MTCL1: variants seen among roughly 807,000 people sequenced by gnomAD.
MTCL1 encodes microtubule cross-linking factor 1.
In MTCL1, 79 loss-of-function variants were observed where a neutral mutation model predicts 141.4. The ratio of observed to expected loss-of-function variants is 0.56; its 90% CI spans 0.47 to 0.67. The LOEUF is 0.67. MTCL1 is among the 30% of genes least tolerant of loss of function. The pLI is 0.00. For missense variants in MTCL1, 2,177 were observed against 2,113.9 expected (o/e 1.03, Z -0.59); for synonymous variants, 914 against 875.8 (o/e 1.04, Z -0.77).
At chr18:8,809,159 C>A (rs959046158) in intron 11 of MTCL1, among the ~76,000 whole-genome samples, 1 of 152,110 alleles carries the variant, frequency 6.6e-6, no homozygotes, top group East Asian at 1.9e-4. Flanking sequence ...GTTTAGATTC[C>A]CTTTTTCAAA....
At chr18:8,825,647 C>A (rs1484220884) in exon 15 of MTCL1, 4 of 1,613,782 alleles carry the variant, frequency 2.5e-6, no homozygotes, top group African/African-American at 1.3e-5. Flanking sequence ...AGGTGCAGGC[C>A]AAGTTTGAAC....
chr18:8,796,233 TGGA>T, exon 9 of MTCL1: 1 of 1,614,066 alleles, frequency 6.2e-7, no homozygotes, highest in Non-Finnish European at 8.5e-7. Context: ...CCATTCAAGA[TGGA>T]GGAGGAGCAC....
intron 1 of MTCL1, among the ~76,000 whole-genome samples, chr18:8,709,849 A>T (rs900560044): frequency 2.0e-5 from 3 of 151,738 alleles, no homozygotes; most frequent in African/African-American, 7.3e-5. Flanking sequence ...ATTTTTATTT[A>T]TTTTTTTTGA....
At chr18:8,777,076 TA>T (rs1568012448) in intron 4 of MTCL1, among the ~76,000 whole-genome samples, 1 of 151,954 alleles carries the variant, frequency 6.6e-6, no homozygotes, top group African/African-American at 2.4e-5. Context: ...CTACTAAAAA[TA>T]CAAAAAAAAT....
intron 4 of MTCL1, among the ~76,000 whole-genome samples, chr18:8,722,406 GA>G (rs1229132854): frequency 2.6e-5 from 4 of 152,148 alleles, no homozygotes; most frequent in Non-Finnish European, 5.9e-5. Flanking sequence ...AAGAAAAAAA[GA>G]GAAAATAATG....
intron 11 of MTCL1, chr18:8,809,706 C>A: frequency 7.7e-7 from 1 of 1,298,854 alleles, no homozygotes. Flanking sequence ...CCTCGCACGG[C>A]TGTCAGGTTT....
At chr18:8,758,071 G>A (rs1416142902) in intron 4 of MTCL1, among the ~76,000 whole-genome samples, 1 of 148,060 alleles carries the variant, frequency 6.8e-6, no homozygotes, top group Non-Finnish European at 1.5e-5. Flanking sequence ...TGCCCGGGCT[G>A]GAGAGTGCAA....
intron 4 of MTCL1, among the ~76,000 whole-genome samples, chr18:8,757,521 T>C (rs939991985): frequency 6.6e-6 from 1 of 152,154 alleles, no homozygotes; most frequent in African/African-American, 2.4e-5. Flanking sequence ...TAGAAGAGGC[T>C]GGGGAGCCGG....
chr18:8,755,388 AAGGGATT>A (rs1473894968), intron 4 of MTCL1, among the ~76,000 whole-genome samples: 3 of 152,194 alleles, frequency 2.0e-5, no homozygotes, highest in Non-Finnish European at 4.4e-5. Context: ...GGAGTTTAAC[AAGGGATT>A]GGGTGGTGGC....
At chr18:8,777,715 C>A in intron 4 of MTCL1, 118 bp from the exon 4 acceptor site, 1 of 798,418 alleles carries the variant, frequency 1.3e-6, no homozygotes, top group South Asian at 1.9e-5. Context: ...TTTCTTGATT[C>A]TGGTGGGAAA....
chr18:8,825,300 T>G, exon 15 of MTCL1: 1 of 1,541,870 alleles, frequency 6.5e-7, no homozygotes, highest in Non-Finnish European at 8.7e-7. Flanking sequence ...CCTCTGTACC[T>G]CCCTGGGGTT....
At chr18:8,790,947 G>A (rs1390457363) in intron 7 of MTCL1, among the ~76,000 whole-genome samples, 2 of 152,184 alleles carry the variant, frequency 1.3e-5, no homozygotes, top group Admixed American at 1.3e-4. Context: ...CCTGGGAGGT[G>A]GAGGTTGCAG....
At chr18:8,756,489 A>ATATGTATATATGTGTGTATATATATG (rs2096401370) in intron 4 of MTCL1, among the ~76,000 whole-genome samples, 1 of 143,006 alleles carries the variant, frequency 7.0e-6, no homozygotes, top group South Asian at 2.1e-4. Flanking sequence ...ATGTGTGTAT[A>ATATGTATATATGTGTGTATATATATG]TATGTATATA....
At chr18:8,729,935 T>G (rs2096241951) in intron 4 of MTCL1, among the ~76,000 whole-genome samples, 1 of 152,146 alleles carries the variant, frequency 6.6e-6, no homozygotes, top group Non-Finnish European at 1.5e-5. Context: ...TGTTTTACAT[T>G]GCACATGTAT....
intron 4 of MTCL1, among the ~76,000 whole-genome samples, chr18:8,751,962 C>T (rs555279541): frequency 2.0e-5 from 3 of 152,230 alleles, no homozygotes; most frequent in East Asian, 1.9e-4. Flanking sequence ...AATGTTTGTT[C>T]AGAATTTTAG....
At chr18:8,741,589 G>C (rs2096303622) in intron 4 of MTCL1, among the ~76,000 whole-genome samples, 1 of 152,204 alleles carries the variant, frequency 6.6e-6, no homozygotes, top group Non-Finnish European at 1.5e-5. Flanking sequence ...ATGGAAAACT[G>C]TGACTGAGCA....
chr18:8,714,848 G>A (rs573393724), upstream of MTCL1, among the ~76,000 whole-genome samples: 27 of 151,910 alleles, frequency 1.8e-4, no homozygotes, highest in Non-Finnish European at 3.2e-4. Flanking sequence ...CCAGGCTGGA[G>A]TGCAGTGGCG....
chr18:8,813,576 C>G (rs1315038369), intron 12 of MTCL1, among the ~76,000 whole-genome samples: 1 of 152,130 alleles, frequency 6.6e-6, no homozygotes, highest in African/African-American at 2.4e-5. Flanking sequence ...AGGTCTTATT[C>G]AATTGAAAAC....
intron 11 of MTCL1, chr18:8,809,780 G>T (rs1445912948): frequency 3.1e-6 from 2 of 645,302 alleles, no homozygotes; most frequent in Non-Finnish European, 5.1e-6. Context: ...CAACCAGTTG[G>T]GATGGAAAGG....
Sources: allele counts gnomAD v4.1 joint callset (sites outside exome capture counted in the v4.1 genomes callset), GRCh38; gene constraint gnomAD v4.1.1; transcripts MANE v1.5; gene names NCBI Gene and HGNC (gene_info 2026-07-23, HGNC 2026-07-21).